Variants in DENND4A observed in about 807,000 individuals in gnomAD.
DENND4A encodes the protein C-myc promoter-binding protein.
DENND4A carries 70 observed loss-of-function variants against 199.3 expected under a neutral mutation model. The observed-to-expected ratio is 0.35, with a 90% CI of 0.29 to 0.43. DENND4A has a LOEUF of 0.43. Ranked by LOEUF, DENND4A falls within the 20% of genes least tolerant of loss-of-function variation. The probability of loss-of-function intolerance (pLI) is 1.00; values close to 1 mark genes in which losing one functional copy is unlikely to be tolerated. For missense variants in DENND4A, 1,723 were observed against 2,255.8 expected (o/e 0.76, Z 4.78); for synonymous variants, 686 against 766.9 (o/e 0.89, Z 1.74).
At chr15:65,669,634 T>A (rs2076156865) in intron 27 of DENND4A, 145 bp downstream of exon 27, 4 of 684,938 alleles carry the variant, frequency 5.8e-6, no homozygotes, top group Non-Finnish European at 4.6e-6. Flanking sequence ...ATTTTAACAC[T>A]GTTTTAAGAG....
chr15:65,702,877 T>C lies in DENND4A; in HGVS notation c.2219A>G (p.Lys740Arg). The change falls in exon 16 of 33, where the codon AAA (lysine) becomes AGA (arginine). Residue 740 changes from lysine (K) to arginine (R), a missense_variant. Coordinates refer to ENST00000443035, the MANE Select transcript of DENND4A (RefSeq NM_001320835.1). ...ATGAAGAATGTGATAAAGTACCTGT[T>C]TTGTTCTTCTGAACATGGGCAAAGG... Reference protein sequence around the residue: ...NSPLPMFRRTKQEIKSAHKIA... With the variant: ...NSPLPMFRRTRQEIKSAHKIA... 6.2e-7 allele frequency: 1 copy of C among 1,606,974 alleles called. No homozygotes were observed. The highest frequency in any genetic ancestry group is 1.1e-5 in the South Asian group (1 of 89,744).
rs375224100 is a variant in DENND4A, at chr15:65,691,327, A to G, written c.3267T>C (p.Asn1089=). 3.8e-5 allele frequency: 62 copies of G among 1,613,352 alleles called. No individual in the cohort carries two copies. In the East Asian group the frequency reaches 6.0e-4, roughly 16 times the overall value. The part of the protein sequence containing the change: ...SGGVLMGFML[N]RINQEATPGD... Reference sequence around the variant, plus strand: ...CAGGGGTTGCTTCCTGGTTAATTCTATTGAGCATAAATCCCATCAGTACCC... The same window carrying G: ...CAGGGGTTGCTTCCTGGTTAATTCTGTTGAGCATAAATCCCATCAGTACCC... The change falls in exon 23 of 33, where the codon AAT becomes AAC. Residue 1089 remains asparagine (N), a synonymous_variant. Coordinates refer to ENST00000443035, the MANE Select transcript of DENND4A (RefSeq NM_001320835.1).
At chr15:65,789,851 T>C (rs897537405) in intron 1 of DENND4A, among the ~76,000 whole-genome samples, 1 of 152,192 alleles carries the variant, frequency 6.6e-6, no homozygotes, top group Non-Finnish European at 1.5e-5. Flanking sequence ...AGTTTTATAA[T>C]AGCAGTTATA....
At chr15:65,720,947 T>TTATATA (rs72498783) in intron 12 of DENND4A, among the ~76,000 whole-genome samples, 1,128 of 75,988 alleles carry the variant, frequency 0.015, 70 homozygotes, top group Admixed American at 0.082. Context: ...GTTTCATTGA[T>TTATATA]TATATATATA....
At chr15:65,731,411 A>C in intron 9 of DENND4A, 1 of 547,752 alleles carries the variant, frequency 1.8e-6, no homozygotes, top group South Asian at 1.5e-5. Context: ...ACACTTACAC[A>C]ATAGTAGGTA....
At chr15:65,760,707 G>A (rs9920639) in intron 2 of DENND4A, among the ~76,000 whole-genome samples, 30,057 of 151,890 alleles carry the variant, frequency 0.2, 4,003 homozygotes, top group East Asian at 0.73. Context: ...TGGCCAACAT[G>A]GTGAAACCTC....
intron 14 of DENND4A, among the ~76,000 whole-genome samples, chr15:65,711,088 AAC>A (rs2075236063): frequency 6.6e-6 from 1 of 152,232 alleles, no homozygotes; most frequent in Non-Finnish European, 1.5e-5. Context: ...AGAAGGGCCT[AAC>A]AGAAGTGCCA....
At position 65,668,073 on chromosome 15, in the gene DENND4A, G is replaced by C. The variant is rs1243608478; in HGVS notation, c.4838C>G (p.Ala1613Gly). ...AGACATAGCTGTTTTTGATCTATTA[G>C]CAGGGATCTGAATACTTCGGGTGCA... ...NFCTRSIQIP[A>G]NRSKTAMSKC... The change falls in exon 28 of 33, where the codon GCT becomes GGT. Residue 1613 changes from alanine to glycine, a missense_variant. Coordinates refer to ENST00000443035, the MANE Select transcript of DENND4A (RefSeq NM_001320835.1). 6.2e-7 allele frequency: 1 copy of C among 1,605,842 alleles called. No individual in the cohort carries two copies. The highest frequency in any genetic ancestry group is 8.5e-7 in the Non-Finnish European group (1 of 1,178,196).
At chr15:65,747,917 G>A (rs2076446607) in intron 4 of DENND4A, among the ~76,000 whole-genome samples, 1 of 151,372 alleles carries the variant, frequency 6.6e-6, no homozygotes, top group African/African-American at 2.4e-5. Flanking sequence ...GCGCGCGCCT[G>A]TAATCCCAGC....
At chr15:65,696,291 TA>T (rs976308886) in intron 22 of DENND4A, 74 bp downstream of exon 22, 11 of 1,512,622 alleles carry the variant, frequency 7.3e-6, no homozygotes, top group Non-Finnish European at 9.8e-6. Context: ...TTAAGACTAT[TA>T]AAAAAATAAG....
chr15:65,734,807 G>A (rs970331294), intron 7 of DENND4A, among the ~76,000 whole-genome samples: 5 of 152,178 alleles, frequency 3.3e-5, no homozygotes, highest in Non-Finnish European at 7.4e-5. Context: ...ATAATAGTAT[G>A]ATGTTGGCCA....
rs1339519561 is a variant in DENND4A, at chr15:65,702,361, T to C, written c.2374A>G (p.Thr792Ala). 4 of 1,553,984 alleles carry C rather than the reference T, an allele frequency of 2.6e-6. No homozygotes were observed. The African/African-American group carries it at 4.1e-5, about 16-fold the overall frequency. ...ATTTTTTTAAGCACATCATATGCTG[T>C]TTTCAGAGCCCTGACTTTTGAATGA... is the stretch of plus-strand genomic sequence containing the variant. ...VCHSKVRALK[T>A]AYDVLKKMQS... is the part of the protein sequence containing the mutation. The change falls in exon 17 of 33, where the codon ACA (threonine) becomes GCA (alanine). Residue 792 changes from threonine (T) to alanine (A), a missense_variant. Physicochemically the swap from Thr to Ala is moderately conservative, Grantham distance 58. Transcript: ENST00000443035.
chr15:65,775,582 A>C (rs1404799086), intron 1 of DENND4A, among the ~76,000 whole-genome samples: 1 of 133,056 alleles, frequency 7.5e-6, no homozygotes, highest in Non-Finnish European at 1.6e-5. Flanking sequence ...TGAAGGTTGC[A>C]GTGAGCCAAG....
At chr15:65,673,649 G>A (rs549450932) in intron 24 of DENND4A, among the ~76,000 whole-genome samples, 69 of 149,468 alleles carry the variant, frequency 4.6e-4, no homozygotes, top group African/African-American at 1.6e-3. Flanking sequence ...AAAAAAAAAG[G>A]TCCAGAACTA....
At chr15:65,733,942 T>A (rs956736538) in intron 7 of DENND4A, among the ~76,000 whole-genome samples, 6 of 152,220 alleles carry the variant, frequency 3.9e-5, no homozygotes, top group Admixed American at 1.3e-4. Context: ...GGGACACAAA[T>A]ACTGCGGAAG....
intron 5 of DENND4A, among the ~76,000 whole-genome samples, chr15:65,740,737 G>A (rs936701479): frequency 2.6e-5 from 4 of 151,982 alleles, no homozygotes; most frequent in South Asian, 2.1e-4. Context: ...GAGGCAAGAG[G>A]AGCGCTTGAG....
At position 65,668,139 on chromosome 15, in the gene DENND4A, A is replaced by G. The variant is rs2076100342; in HGVS notation, c.4788-16T>C. On this transcript the variant is annotated splice_polypyrimidine_tract_variant and intron_variant, in intron 27 of 32. Transcript: ENST00000443035. ...TTTAGATTTGCTTGGGAATTGAAAA[A>G]AGAAGAAAGTGTATCAGTGTCTAGA... The G allele has an allele frequency of 6.4e-7, 1 of 1,556,850 alleles. No individual in the cohort carries two copies. The highest frequency in any genetic ancestry group is 1.4e-5 in the African/African-American group (1 of 71,866).
chr15:65,688,645 T>A (rs138629382), intron 23 of DENND4A, among the ~76,000 whole-genome samples: 1 of 152,198 alleles, frequency 6.6e-6, no homozygotes, highest in Non-Finnish European at 1.5e-5. Flanking sequence ...GAAACTTGTA[T>A]GGGATTCCCC....
intron 12 of DENND4A, 115 bp downstream of exon 12, chr15:65,722,733 A>G (rs1286693947): frequency 2.6e-6 from 2 of 760,980 alleles, no homozygotes; most frequent in Non-Finnish European, 3.8e-6. Context: ...ATCTGCCTTT[A>G]AAATGGTAAA....
Sources: gnomAD v4.1 joint callset for allele counts (sites outside exome capture counted in the v4.1 genomes callset) on GRCh38, gnomAD v4.1.1 for gene constraint, MANE v1.5 for transcripts, NCBI Gene and HGNC (gene_info 2026-07-23, HGNC 2026-07-21) for gene names.